The following GRM8 variants were observed in gnomAD, a reference collection of about 807,000 sequenced individuals.
GRM8 encodes the protein metabotropic glutamate receptor 8.
In GRM8, 47 loss-of-function variants were observed where a neutral mutation model predicts 87.2. That is an observed-to-expected ratio of 0.54 (90% CI 0.43 to 0.69). The LOEUF (loss-of-function observed/expected upper bound fraction) is 0.69. GRM8 is among the 30% of genes least tolerant of loss of function. The pLI is 0.00. For synonymous variants in GRM8, 396 were observed against 404.5 expected (o/e 0.98, Z 0.25); for missense variants, 1,019 against 1,139.2 (o/e 0.89, Z 1.52).
chr7:126,559,056 A>T (rs1793430280), intron 8 of GRM8, among the ~76,000 whole-genome samples: 1 of 151,998 alleles, frequency 6.6e-6, no homozygotes, highest in Admixed American at 6.6e-5. Flanking sequence ...TGGTGTGAGT[A>T]ATGTGCATAG....
At chr7:126,954,912 A>C (rs1808518029) in intron 3 of GRM8, among the ~76,000 whole-genome samples, 1 of 152,210 alleles carries the variant, frequency 6.6e-6, no homozygotes, top group South Asian at 2.1e-4. Flanking sequence ...AGGTAGAGAA[A>C]GAAGAAGAGT....
chr7:126,500,563 G>A (rs1235092060), intron 9 of GRM8, among the ~76,000 whole-genome samples: 2 of 151,950 alleles, frequency 1.3e-5, no homozygotes, highest in African/African-American at 2.4e-5. Context: ...GGTACTTAGA[G>A]GAAAGATCAG....
chr7:127,116,017 G>A (rs1563523995), intron 2 of GRM8, among the ~76,000 whole-genome samples: 2 of 152,136 alleles, frequency 1.3e-5, no homozygotes, highest in South Asian at 2.1e-4. Flanking sequence ...TTGGCAGGCC[G>A]AGGCTGCAAG....
At chr7:127,089,642 A>G (rs893014543) in intron 3 of GRM8, among the ~76,000 whole-genome samples, 10 of 152,196 alleles carry the variant, frequency 6.6e-5, no homozygotes, top group Non-Finnish European at 1.5e-4. Flanking sequence ...TTACTCCTAT[A>G]CTGTTTTAAG....
chr7:126,966,783 A>G (rs1356863135), intron 3 of GRM8, among the ~76,000 whole-genome samples: 2 of 152,170 alleles, frequency 1.3e-5, no homozygotes, highest in African/African-American at 4.8e-5. Context: ...TCGCTCCTAG[A>G]TGTTCAGAAA....
chr7:126,517,416 G>C (rs182171448), intron 9 of GRM8, among the ~76,000 whole-genome samples: 9 of 152,116 alleles, frequency 5.9e-5, no homozygotes, highest in African/African-American at 1.9e-4. Flanking sequence ...CCATTTTACA[G>C]ACACGAGCTG....
At chr7:126,928,479 C>T (rs1166107875) in intron 3 of GRM8, among the ~76,000 whole-genome samples, 1 of 151,956 alleles carries the variant, frequency 6.6e-6, no homozygotes, top group Non-Finnish European at 1.5e-5. Context: ...CAAGACCAGC[C>T]TGGGCAACGT....
intron 3 of GRM8, among the ~76,000 whole-genome samples, chr7:127,064,247 C>T (rs1820888211): frequency 6.6e-6 from 1 of 152,076 alleles, no homozygotes; most frequent in Non-Finnish European, 1.5e-5. Flanking sequence ...ACTATTATTG[C>T]ACAGAAGTCT....
In GRM8 at chr7:126,942,264, C is replaced by T. The variant is rs555760830; in HGVS notation, c.728-37581G>A. 9.2e-5 allele frequency among the ~76,000 whole-genome samples: 14 copies of T among 152,270 alleles called. No homozygotes were observed. The South Asian group carries it at 1.7e-3, about 18-fold the overall frequency. On this transcript the variant is annotated intron_variant, in intron 3 of 10. Transcript: ENST00000339582. The stretch of plus-strand genomic sequence containing the variant: ...AACTGCCCGATAATGAAATACTTGC[C>T]GTGTGGTCCAAGATAACCACCTGGC...
At chr7:126,763,890 A>G (rs983025884) in intron 7 of GRM8, among the ~76,000 whole-genome samples, 1 of 152,002 alleles carries the variant, frequency 6.6e-6, no homozygotes, top group Admixed American at 6.6e-5. Context: ...CATAAACAAG[A>G]AATGTCTCTC....
At chr7:126,853,247 C>T (rs575053529) in intron 6 of GRM8, among the ~76,000 whole-genome samples, 2 of 152,182 alleles carry the variant, frequency 1.3e-5, no homozygotes, top group Admixed American at 6.5e-5. Context: ...CTGCTTTTCT[C>T]TGCATCATCA....
chr7:126,489,294 C>G (rs1223641063), intron 9 of GRM8, among the ~76,000 whole-genome samples: 1 of 152,016 alleles, frequency 6.6e-6, no homozygotes, highest in Non-Finnish European at 1.5e-5. Context: ...ACCCTGAGTC[C>G]TGCACATTAA....
At chr7:126,555,908 A>G (rs1285227145) in intron 8 of GRM8, among the ~76,000 whole-genome samples, 2 of 152,216 alleles carry the variant, frequency 1.3e-5, no homozygotes, top group Non-Finnish European at 2.9e-5. Context: ...GTAAAAGGAC[A>G]TATCAAGGAA....
intron 3 of GRM8, among the ~76,000 whole-genome samples, chr7:127,097,385 T>C (rs1040434780): frequency 4.6e-5 from 7 of 152,096 alleles, no homozygotes; most frequent in African/African-American, 1.7e-4. Context: ...GTGGATGGCA[T>C]TGAGAACTGG....
At chr7:126,504,456 G>A (rs922562745) in intron 9 of GRM8, among the ~76,000 whole-genome samples, 1 of 151,642 alleles carries the variant, frequency 6.6e-6, no homozygotes, top group Non-Finnish European at 1.5e-5. Flanking sequence ...TGTATGTATG[G>A]TGCCAGTGTA....
intron 2 of GRM8, among the ~76,000 whole-genome samples, chr7:127,170,109 G>T (rs1417443192): frequency 6.6e-6 from 1 of 152,038 alleles, no homozygotes; most frequent in African/African-American, 2.4e-5. Context: ...TAATGAATCT[G>T]GGCAAAATAT....
intron 9 of GRM8, among the ~76,000 whole-genome samples, chr7:126,492,248 G>A (rs1044042339): frequency 1.2e-4 from 18 of 151,702 alleles, no homozygotes; most frequent in East Asian, 5.9e-4. Flanking sequence ...ACGGGGTTTC[G>A]CCACGTTGCC....
chr7:126,477,607 GA>G (rs1806131649), intron 9 of GRM8, among the ~76,000 whole-genome samples: 1 of 121,198 alleles, frequency 8.3e-6, no homozygotes, highest in Admixed American at 9.0e-5. Flanking sequence ...AAGAAAGAAA[GA>G]AAGAAAGAAA....
At chr7:126,546,427 T>C (rs1168487288) in intron 8 of GRM8, among the ~76,000 whole-genome samples, 1 of 152,004 alleles carries the variant, frequency 6.6e-6, no homozygotes, top group Non-Finnish European at 1.5e-5. Flanking sequence ...ATTAGGAACA[T>C]CCCATCCAGA....
Sources: gnomAD v4.1 joint callset for allele counts (sites outside exome capture counted in the v4.1 genomes callset) on GRCh38, gnomAD v4.1.1 for gene constraint, MANE v1.5 for transcripts, NCBI Gene and HGNC (gene_info 2026-07-23, HGNC 2026-07-21) for gene names.